The following ZP4 variants were observed in gnomAD, a reference collection of about 807,000 sequenced individuals.
ZP4 encodes zona pellucida sperm-binding protein 4.
Under a neutral mutation model 62.3 loss-of-function variants are expected in ZP4, and 62 were observed. The observed-to-expected ratio is 0.99, with a 90% CI of 0.81 to 1.23. ZP4 has a LOEUF of 1.23. Among genes scored for constraint, ZP4 ranks in the 50% most tolerant of loss-of-function variants. ZP4 has a pLI of 0.00. For missense variants in ZP4, 774 were observed against 656.0 expected (o/e 1.18, Z -1.97); for synonymous variants, 289 against 247.3 (o/e 1.17, Z -1.58).
chr1:237,886,037 G>A (rs950299959), intron 6 of ZP4, 151 bp from the exon 7 acceptor site: 2 of 1,024,878 alleles, frequency 2.0e-6, no homozygotes, highest in African/African-American at 3.2e-5. Flanking sequence ...CTGTATTTTA[G>A]TTGGGGAGAC....
chr1:237,882,677 G>T lies in ZP4; in HGVS notation c.1495+65C>A. Reference sequence around the variant, plus strand: ...TTGACTAGAACAAGAGGGATAGAAAGGAGGAAGTTGCTTTGATTAGTAATT... The same window carrying T: ...TTGACTAGAACAAGAGGGATAGAAATGAGGAAGTTGCTTTGATTAGTAATT... On this transcript the variant is annotated intron_variant, in intron 11 of 11. Transcript: ENST00000366570. 4 of 1,593,016 alleles carry T rather than the reference G, an allele frequency of 2.5e-6. No individual in the cohort carries two copies. The East Asian group carries it at 6.7e-5, about 27-fold the overall frequency.
In ZP4 at chr1:237,884,852, G is replaced by A. The variant is rs1665058143; in HGVS notation, c.1312-5C>T. On this transcript the variant is annotated splice_polypyrimidine_tract_variant and splice_region_variant and intron_variant, in intron 9 of 11. Transcript: ENST00000366570. ...CACGCTGCAGTGCAGATGCACCTGGGAGCCAACAGAATTCAGGTCATTTGT... is the reference window on the plus strand; with the variant it reads ...CACGCTGCAGTGCAGATGCACCTGGAAGCCAACAGAATTCAGGTCATTTGT... 6.2e-7 allele frequency: 1 copy of A among 1,612,452 alleles called. No homozygotes were observed. The highest frequency in any genetic ancestry group is 1.1e-5 in the South Asian group (1 of 90,556).
At chr1:237,890,380 T>C (rs1665212036) in intron 1 of ZP4, 81 bp downstream of exon 1, 4 of 1,523,694 alleles carry the variant, frequency 2.6e-6, no homozygotes, top group Non-Finnish European at 3.6e-6. Flanking sequence ...AAAGTATCAA[T>C]ACGGGAAGAT....
At chr1:237,886,736 T>A (rs760117466) in intron 6 of ZP4, 35 bp downstream of exon 6, 1 of 1,567,460 alleles carries the variant, frequency 6.4e-7, no homozygotes, top group South Asian at 1.1e-5. Flanking sequence ...GCCCACCTTA[T>A]GGCAGATGGG....
At chr1:237,888,826 C>T (rs948936852) in intron 3 of ZP4, among the ~76,000 whole-genome samples, 6 of 152,108 alleles carry the variant, frequency 3.9e-5, no homozygotes, top group Admixed American at 6.5e-5. Flanking sequence ...TCTTTAGAGG[C>T]GTTTCTCAAG....
Position 237,885,420 on chromosome 1 carries a change from A to C in ZP4, c.1131T>G (p.Ser377Arg). ...TTACCAGGATGGGCCACTGTGGCTG[A>C]CTCAGGGGGTCAGTGCTGGGTGTTG... Reference protein sequence around the residue: ...CWATPSTDPLSQPQWPILVKG... With the variant: ...CWATPSTDPLRQPQWPILVKG... The change falls in exon 8 of 12, where the codon AGT becomes AGG. Residue 377 changes from serine to arginine, a missense_variant. Coordinates refer to ENST00000366570, the MANE Select transcript of ZP4 (RefSeq NM_021186.5). 1.9e-6 allele frequency: 3 copies of C among 1,612,520 alleles called. No homozygotes were observed. Among genetic ancestry groups the C allele is most frequent in the Non-Finnish European group, 2.5e-6 (3 of 1,179,284 alleles).
Position 237,887,417 on chromosome 1 carries a change from A to T in ZP4, c.698T>A (p.Val233Asp). ...CNPVMATQAF[V>D]LFQFPFTSCG... is the part of the protein sequence containing the mutation. ...GGAAGTAAATGGAAACTGGAACAGAACAAAAGCTTGTGTTGCCATCACAGG... is the reference window on the plus strand; with the variant it reads ...GGAAGTAAATGGAAACTGGAACAGATCAAAAGCTTGTGTTGCCATCACAGG... Residue 233 changes from valine (V) to aspartate (D), a missense_variant, in exon 5 of 12, where the codon GTT (valine) becomes GAT (aspartate). Coordinates refer to ENST00000366570, the MANE Select transcript of ZP4 (RefSeq NM_021186.5). The T allele has an allele frequency of 6.2e-7, 1 of 1,614,116 alleles. No homozygotes were observed. Among genetic ancestry groups the T allele is most frequent in the South Asian group, 1.1e-5 (1 of 91,078 alleles).
intron 5 of ZP4, 130 bp from the exon 6 acceptor site, chr1:237,886,998 G>A (rs1665118838): frequency 5.1e-6 from 4 of 791,530 alleles, no homozygotes; most frequent in South Asian, 3.4e-5. Context: ...GCAGAGGTAA[G>A]AACACATAGC....
intron 1 of ZP4, 101 bp from the exon 2 acceptor site, chr1:237,890,277 A>G (rs1187260115): frequency 6.4e-7 from 1 of 1,560,088 alleles, no homozygotes; most frequent in African/African-American, 1.4e-5. Context: ...AACTGTCAAT[A>G]AGAGGAACAA....
At position 237,885,376 on chromosome 1, in the gene ZP4, G is replaced by A. The variant is rs768514858; in HGVS notation, c.1160+15C>T. On this transcript the variant is annotated intron_variant, in intron 8 of 11. Coordinates refer to ENST00000366570, the MANE Select transcript of ZP4 (RefSeq NM_021186.5). ...TTTGAGAATTTCAGCACAGGTGTAT[G>A]AAAGAACCACTTACCCCTTTACCAG... 2.0e-5 allele frequency: 32 copies of A among 1,610,802 alleles called. No individual in the cohort carries two copies. The East Asian group carries it at 5.4e-4, about 27-fold the overall frequency.
rs1665195791 is a variant in ZP4, at chr1:237,889,851, A to G, written c.400+16T>C. The G allele has an allele frequency of 1.5e-5, 23 of 1,576,918 alleles. No individual in the cohort carries two copies. Among genetic ancestry groups the G allele is most frequent in the Non-Finnish European group, 2.0e-5 (23 of 1,147,098 alleles). ...CCCACCACCCCCACAAGACCCTGAG[A>G]GCTTCCAGCCTTTACCTAGAAGATC... On this transcript the variant is annotated intron_variant, in intron 3 of 11. Transcript: ENST00000366570.
rs1286715575 is a variant in ZP4 at position 237,888,438 on chromosome 1, G to T, written c.473C>A (p.Pro158His). 1 of 1,612,412 alleles carries T rather than the reference G, an allele frequency of 6.2e-7. No homozygotes were observed. The highest frequency in any genetic ancestry group is 8.5e-7 in the Non-Finnish European group (1 of 1,178,962). The stretch of plus-strand genomic sequence containing the variant: ...CCCTTCACAGTCTCCTCGAGAGATG[G>T]GTGAAGGTGCACATGGCAGTCTGTC... ...ARDRLPCAPS[P>H]ISRGDCEGLG... Residue 158 changes from proline (P) to histidine (H), a missense_variant, in exon 4 of 12, where the codon CCC becomes CAC. Pro to His is a moderately conservative substitution (Grantham distance 77). Transcript: ENST00000366570.
Position 237,882,719 on chromosome 1 carries a change from TCTC to T in ZP4, c.1495+20_1495+22del. On this transcript the variant is annotated intron_variant, in intron 11 of 11. Coordinates refer to ENST00000366570, the MANE Select transcript of ZP4 (RefSeq NM_021186.5). ...TTAGTAATTTAGTTCACTAGTTTGA[TCTC>T]CTCCCTCTTGGATACTTACGGAGCT... The T allele has an allele frequency of 1.2e-6, 2 of 1,609,856 alleles. No individual in the cohort carries two copies. Among genetic ancestry groups the T allele is most frequent in the Non-Finnish European group, 1.7e-6 (2 of 1,177,762 alleles).
intron 10 of ZP4, among the ~76,000 whole-genome samples, chr1:237,884,043 A>AAACAAAC (rs1558531261): frequency 9.5e-6 from 1 of 104,822 alleles, no homozygotes; most frequent in African/African-American, 5.5e-5. Context: ...AACACACACA[A>AAACAAAC]ACACACACAA....
chr1:237,882,753 G>T lies in ZP4; in HGVS notation c.1484C>A (p.Pro495Gln), dbSNP rs775516674. The change falls in exon 11 of 12, where the codon CCA (proline) becomes CAA (glutamine). Residue 495 changes from proline (P) to glutamine (Q), a missense_variant. Physicochemically the swap from Pro to Gln is moderately conservative, Grantham distance 76. Coordinates refer to ENST00000366570, the MANE Select transcript of ZP4 (RefSeq NM_021186.5). ...MILLQATKDPPEKLRVPVDSK... is the reference protein window; with the variant it reads ...MILLQATKDPQEKLRVPVDSK... ...TCTTGGATACTTACGGAGCTTTTCT[G>T]GAGGGTCCTTAGTGGCTTGGAGTAG... 2 of 1,614,098 alleles carry T rather than the reference G, an allele frequency of 1.2e-6. No individual in the cohort carries two copies. Among genetic ancestry groups the T allele is most frequent in the Admixed American group, 3.3e-5 (2 of 60,010 alleles).
In ZP4 at chr1:237,890,157, G is replaced by A. The variant is rs527859514; in HGVS notation, c.195C>T (p.His65=). ...LIAWDNQGLL[H]ELQNDSDCGT... ...CACAGTCGGAGTCATTCTGCAGCTC[G>A]TGCAGCAGCCCTTGGTTGTCTGGAG... The change falls in exon 2 of 12, where the codon CAC becomes CAT. Residue 65 remains histidine (H), a synonymous_variant. Transcript: ENST00000366570. 49 of 1,613,868 alleles carry A rather than the reference G, an allele frequency of 3.0e-5. No homozygotes were observed. Among genetic ancestry groups the A allele is most frequent in the Non-Finnish European group, 3.7e-5 (44 of 1,180,020 alleles).
At chr1:237,889,355 G>A (rs1665183724) in intron 3 of ZP4, among the ~76,000 whole-genome samples, 1 of 126,056 alleles carries the variant, frequency 7.9e-6, no homozygotes, top group Non-Finnish European at 1.7e-5. Flanking sequence ...TTTCGCTCTT[G>A]TTGCCCAGGC....
Position 237,885,745 on chromosome 1 carries a change from G to C in ZP4, c.970+11C>G. 3.7e-6 allele frequency: 6 copies of C among 1,613,772 alleles called. No individual in the cohort carries two copies. The highest frequency in any genetic ancestry group is 2.7e-5 in the African/African-American group (2 of 75,016). On this transcript the variant is annotated intron_variant, in intron 7 of 11. Coordinates refer to ENST00000366570, the MANE Select transcript of ZP4 (RefSeq NM_021186.5). ...ACTATAGGCCAGATACTCCAGCCAAGGGGGTCATACCTTTGGCAATCTGAA... is the reference window on the plus strand; with the variant it reads ...ACTATAGGCCAGATACTCCAGCCAACGGGGTCATACCTTTGGCAATCTGAA...
At chr1:237,886,003 A>G (rs1665093347) in intron 6 of ZP4, 117 bp from the exon 7 acceptor site, 6 of 1,399,914 alleles carry the variant, frequency 4.3e-6, no homozygotes, top group South Asian at 1.4e-5. Context: ...AGTGTGATGG[A>G]TGTGGTTCCT....
Sources: allele counts gnomAD v4.1 joint callset (sites outside exome capture counted in the v4.1 genomes callset), GRCh38; gene constraint gnomAD v4.1.1; transcripts MANE v1.5; gene names NCBI Gene and HGNC (gene_info 2026-07-23, HGNC 2026-07-21).